ZNF541: variants seen among roughly 807,000 people sequenced by gnomAD.
ZNF541 encodes zinc finger protein 541.
A neutral mutation model predicts 123.5 loss-of-function variants in ZNF541; 23 were observed. The ratio of observed to expected loss-of-function variants is 0.19; its 90% CI spans 0.13 to 0.26. ZNF541 has a LOEUF of 0.26. Ranked by LOEUF, ZNF541 falls within the 10% of genes least tolerant of loss-of-function variation. ZNF541 has a pLI of 1.00. For synonymous variants in ZNF541, 751 were observed against 754.5 expected (o/e 1.00, Z 0.08); for missense variants, 1,612 against 1,789.9 (o/e 0.90, Z 1.79).
intron 14 of ZNF541, among the ~76,000 whole-genome samples, chr19:47,525,567 A>G (rs961209389): frequency 1.3e-5 from 2 of 152,222 alleles, no homozygotes; most frequent in African/African-American, 4.8e-5. Context: ...ACCATATACA[A>G]AAATTAACAC....
chr19:47,566,548 C>G (rs1410645340), intron 2 of ZNF541, among the ~76,000 whole-genome samples: 2 of 151,672 alleles, frequency 1.3e-5, no homozygotes, highest in Admixed American at 6.6e-5. Context: ...GAGTTCAAGA[C>G]CAGCCTGACC....
intron 9 of ZNF541, among the ~76,000 whole-genome samples, chr19:47,536,590 C>T (rs1969832370): frequency 6.6e-6 from 1 of 152,038 alleles, no homozygotes; most frequent in Admixed American, 6.6e-5. Context: ...CCCCTCCCTA[C>T]ATAAAAACAA....
At chr19:47,561,204 T>C (rs1427221415) in intron 2 of ZNF541, among the ~76,000 whole-genome samples, 2 of 152,134 alleles carry the variant, frequency 1.3e-5, no homozygotes, top group African/African-American at 2.4e-5. Context: ...CTGGGTGTGG[T>C]GGCTCACACC....
At chr19:47,565,608 G>T (rs1327441359) in intron 2 of ZNF541, among the ~76,000 whole-genome samples, 1 of 152,168 alleles carries the variant, frequency 6.6e-6, no homozygotes, top group African/African-American at 2.4e-5. Context: ...CACAGGGCCT[G>T]CTAAACCCAA....
At position 47,563,578 on chromosome 19, in the gene ZNF541, C is replaced by T. The variant is rs192518596; in HGVS notation, c.-98-7624G>A. On this transcript the variant is annotated intron_variant, in intron 2 of 16. Coordinates refer to ENST00000391901, the MANE Select transcript of ZNF541 (RefSeq NM_001277075.3). ...GGGAAAAACCCATCTCCCCCTGCAT[C>T]TCCCAATAATAAAAACAAGTGAATA... Among the ~76,000 whole-genome samples, 5 of 152,270 alleles carry T rather than the reference C, an allele frequency of 3.3e-5. No individual in the cohort carries two copies. The East Asian group carries it at 9.6e-4, about 29-fold the overall frequency.
intron 4 of ZNF541, among the ~76,000 whole-genome samples, chr19:47,546,223 A>AAAC (rs1555774318): frequency 6.6e-6 from 1 of 150,402 alleles, no homozygotes; most frequent in African/African-American, 2.5e-5. Flanking sequence ...AAAAAAAAAA[A>AAAC]CCAGCGGGGC....
intron 14 of ZNF541, among the ~76,000 whole-genome samples, chr19:47,528,275 A>C (rs1486841082): frequency 7.2e-6 from 1 of 139,504 alleles, no homozygotes; most frequent in Non-Finnish European, 1.5e-5. Flanking sequence ...AGATTGCGCC[A>C]CTGCACTCCA....
At chr19:47,570,274 CA>C (rs963573943) in intron 2 of ZNF541, among the ~76,000 whole-genome samples, 121 of 119,228 alleles carry the variant, frequency 1.0e-3, no homozygotes, top group Admixed American at 1.3e-3. Flanking sequence ...ACTCCATCTC[CA>C]AAAAAAAAAA....
intron 6 of ZNF541, 115 bp downstream of exon 6, chr19:47,540,778 C>A: frequency 1.9e-6 from 2 of 1,049,614 alleles, no homozygotes; most frequent in South Asian, 1.6e-5. Context: ...GGAGGCTGTA[C>A]CCTAATCCCA....
chr19:47,526,481 C>CAAAAAAAA (rs71180847), intron 14 of ZNF541, among the ~76,000 whole-genome samples: 1 of 34,976 alleles, frequency 2.9e-5, no homozygotes, highest in Non-Finnish European at 5.0e-5. Context: ...GACTCCATCT[C>CAAAAAAAA]AAAAAAAAAA....
In ZNF541 at chr19:47,521,232, G is replaced by A. The variant is rs1969009845; in HGVS notation, c.4033C>T (p.Gln1345Ter). 20 of 1,551,484 alleles carry A rather than the reference G, an allele frequency of 1.3e-5. No individual in the cohort carries two copies. The highest frequency in any genetic ancestry group is 1.7e-5 in the Non-Finnish European group (20 of 1,146,962). The change falls in exon 17 of 17, where the codon CAG becomes TAG. Residue 1345 changes from glutamine (Q) to a stop codon, truncating the protein, a stop_gained. Transcript: ENST00000391901. LOFTEE classifies it high-confidence loss of function. The surrounding 1 kb of genome is among the most constrained non-coding windows in gnomAD (Gnocchi z 4.2). The stretch of plus-strand genomic sequence containing the variant: ...ACTTGCTGCCACGGGAGTCACCACT[G>A]CAGGGGGCCGATGTCAGCTCCCAGC... Reference protein sequence around the residue: ...EELGADIGPLQW With the variant: ...EELGADIGPL
In ZNF541 at chr19:47,540,354, A is replaced by G; in HGVS notation, c.2463-19T>C. The G allele has an allele frequency of 6.5e-7, 1 of 1,545,202 alleles. No homozygotes were observed. The highest frequency in any genetic ancestry group is 8.7e-7 in the Non-Finnish European group (1 of 1,143,160). ...CTGGTTACTGTGGGACATGGCAGGA[A>G]AGAAGAGTGGGAGATTAGGACTCTG... On this transcript the variant is annotated intron_variant, in intron 6 of 16. Coordinates refer to ENST00000391901, the MANE Select transcript of ZNF541 (RefSeq NM_001277075.3).
At chr19:47,529,679 C>G in intron 12 of ZNF541, 27 bp from the exon 13 acceptor site, 1 of 1,549,384 alleles carries the variant, frequency 6.5e-7, no homozygotes, top group Non-Finnish European at 8.7e-7. Context: ...GACAGGCTGC[C>G]CAGGACCAGG....
Position 47,545,438 on chromosome 19 carries a change from T to A in ZNF541, c.1091A>T (p.Asp364Val). 6.8e-7 allele frequency: 1 copy of A among 1,475,974 alleles called. No homozygotes were observed. Among genetic ancestry groups the A allele is most frequent in the African/African-American group, 1.4e-5 (1 of 70,422 alleles). 91.4% of individuals were successfully genotyped at this position (1,475,974 alleles called of 1,614,324 possible). The change falls in exon 5 of 17, where the codon GAC becomes GTC. Residue 364 changes from aspartate (D) to valine (V), a missense_variant. This residue lies in a region of ZNF541 where 1,080 missense variants were observed against 1,013.8 expected (regional missense o/e 1.07). Transcript: ENST00000391901. The surrounding 1 kb of genome is among the most constrained non-coding windows in gnomAD (Gnocchi z 7.5). ...GGTATCTGGCTCCGGCTCTGGCGGG[T>A]CGGGGGCGCCGTTCTCGGCGGCCCT... ...NSRAAENGAP[D>V]PPEPEPDTAL...
intron 8 of ZNF541, 178 bp from the exon 9 acceptor site, chr19:47,538,617 T>C (rs1292490101): frequency 5.0e-6 from 3 of 599,424 alleles, no homozygotes; most frequent in African/African-American, 3.8e-5. Context: ...AGCCTGGCGA[T>C]GATCCGGCTG....
intron 1 of ZNF541, among the ~76,000 whole-genome samples, chr19:47,572,513 C>A (rs767422786): frequency 4.6e-5 from 7 of 151,524 alleles, no homozygotes; most frequent in Non-Finnish European, 7.4e-5. Flanking sequence ...TTTTTTTGCG[C>A]TAAGGGAAGT....
At position 47,544,299 on chromosome 19, in the gene ZNF541, G is replaced by A. The variant is rs1021511380; in HGVS notation, c.2230C>T (p.Arg744Trp). The stretch of plus-strand genomic sequence containing the variant: ...GGGGCCCTGGGGTTGCCCAAGAGCC[G>A]GTAGCCTCCACCCCGGGAGCAGGCT... ...GPACSRGGGY[R>W]LLGNPRAPRF... The change falls in exon 5 of 17, where the codon CGG becomes TGG. Residue 744 changes from arginine to tryptophan, a missense_variant. Transcript: ENST00000391901. 2 of 1,551,482 alleles carry A rather than the reference G, an allele frequency of 1.3e-6. No individual in the cohort carries two copies.
chr19:47,535,792 G>A (rs555939331), intron 9 of ZNF541, among the ~76,000 whole-genome samples: 5 of 151,746 alleles, frequency 3.3e-5, no homozygotes, highest in African/African-American at 9.7e-5. Context: ...GCATGGTCTC[G>A]GCTTACTGCA....
chr19:47,572,362 G>C (rs897041372), intron 1 of ZNF541, among the ~76,000 whole-genome samples: 1 of 152,028 alleles, frequency 6.6e-6, no homozygotes, highest in African/African-American at 2.4e-5. Flanking sequence ...ATAAATATTA[G>C]ACGAGAGAGA....
Sources: allele counts gnomAD v4.1 joint callset (sites outside exome capture counted in the v4.1 genomes callset), GRCh38; gene constraint gnomAD v4.1.1; regional missense constraint gnomAD v4.1.1; non-coding constraint Gnocchi (gnomAD v3.1); transcripts MANE v1.5; gene names NCBI Gene and HGNC (gene_info 2026-07-23, HGNC 2026-07-21).